ARHGEF33: variants seen among roughly 807,000 people sequenced by gnomAD.
The protein encoded by ARHGEF33 is Rho guanine nucleotide exchange factor 33, also known as DH and coiled-coil domain-containing protein ENSP00000381780.
A neutral mutation model predicts 101.9 loss-of-function variants in ARHGEF33; 72 were observed. The ratio of observed to expected loss-of-function variants is 0.71; its 90% CI spans 0.58 to 0.86. The LOEUF (loss-of-function observed/expected upper bound fraction) is 0.86, where lower values mean the gene tolerates loss of function less well. ARHGEF33 is among the 40% of genes least tolerant of loss of function. The pLI is 0.00. For missense variants in ARHGEF33, 1,169 were observed against 1,111.3 expected (o/e 1.05, Z -0.74); for synonymous variants, 499 against 442.5 (o/e 1.13, Z -1.60).
At chr2:38,963,940 A>G (rs1305404140) in intron 16 of ARHGEF33, among the ~76,000 whole-genome samples, 4 of 152,178 alleles carry the variant, frequency 2.6e-5, no homozygotes, top group African/African-American at 9.7e-5. Flanking sequence ...AGTGCGTTAC[A>G]ATTTATTGTG....
At position 38,917,102 on chromosome 2, in the gene ARHGEF33, C is replaced by CTTTTTTTTTTTTTTTTTTTTTT. The variant is rs371044814; in HGVS notation, c.-85-2254_-85-2253insTTTTTTTTTTTTTTTTTTTTTT. Among the ~76,000 whole-genome samples the CTTTTTTTTTTTTTTTTTTTTTT allele has an allele frequency of 3.1e-5, 4 of 129,326 alleles. 2 individuals carry two copies. 84.8% of individuals were successfully genotyped at this position (129,326 alleles called of 152,430 possible). ...GGTGTGAGCCACTGCAACCGGTCTT[C>CTTTTTTTTTTTTTTTTTTTTTT]TTTTTTTGAGACGGAGTCTCACTAC... is the stretch of plus-strand genomic sequence containing the variant. On this transcript the variant is annotated intron_variant, in intron 2 of 17. Transcript: ENST00000409978.
At chr2:38,923,004 G>T (rs1393545251) in intron 4 of ARHGEF33, among the ~76,000 whole-genome samples, 2 of 152,162 alleles carry the variant, frequency 1.3e-5, no homozygotes, top group Non-Finnish European at 2.9e-5. Context: ...GTTCTCATCT[G>T]ACCTGTGTAT....
rs1314060601 is a variant in ARHGEF33 at position 38,958,049 on chromosome 2, G to A, written c.1386G>A (p.Lys462=). The part of the protein sequence containing the change: ...RKKLKKSSMA[K]LYKGLASQCA... ...ATTCTGTTAGGTCATCCATGGCGAA[G>A]CTGTACAAAGGGCTGGCTTCCCAGT... Residue 462 remains lysine (K), a synonymous_variant, in exon 15 of 18, where the codon AAG becomes AAA. Coordinates refer to ENST00000409978, the MANE Select transcript of ARHGEF33 (RefSeq NM_001145451.5). 1.9e-6 allele frequency: 3 copies of A among 1,552,274 alleles called. No individual in the cohort carries two copies. The Admixed American group carries it at 5.9e-5, about 30-fold the overall frequency.
In ARHGEF33 at chr2:38,959,929, G is replaced by A. The variant is rs974456318; in HGVS notation, c.1624G>A (p.Glu542Lys). Residue 542 changes from glutamate (E) to lysine (K), a missense_variant, in exon 16 of 18, where the codon GAG becomes AAG. Coordinates refer to ENST00000409978, the MANE Select transcript of ARHGEF33 (RefSeq NM_001145451.5). ...CGGGAAGCCCAGTGACTGGGAGCTGGAGGGCAGGAAGCACGAGCGGCCCGA... is the reference window on the plus strand; with the variant it reads ...CGGGAAGCCCAGTGACTGGGAGCTGAAGGGCAGGAAGCACGAGCGGCCCGA... Reference protein sequence around the residue: ...QPGKPSDWELEGRKHERPESL... With the variant: ...QPGKPSDWELKGRKHERPESL... 1 of 1,551,776 alleles carries A rather than the reference G, an allele frequency of 6.4e-7. No individual in the cohort carries two copies. The highest frequency in any genetic ancestry group is 8.7e-7 in the Non-Finnish European group (1 of 1,146,952).
chr2:38,928,220 A>G (rs936455924), intron 4 of ARHGEF33, among the ~76,000 whole-genome samples: 2 of 152,168 alleles, frequency 1.3e-5, no homozygotes, highest in African/African-American at 4.8e-5. Context: ...CATGATGTCA[A>G]AGTTGACCTG....
Position 38,959,907 on chromosome 2 carries a change from G to A in ARHGEF33, c.1602G>A (p.Gly534=). The A allele has an allele frequency of 6.4e-7, 1 of 1,551,920 alleles. No individual in the cohort carries two copies. Among genetic ancestry groups the A allele is most frequent in the South Asian group, 1.2e-5 (1 of 84,030 alleles). Residue 534 remains glycine, a synonymous_variant, in exon 16 of 18, where the codon GGG becomes GGA. Transcript: ENST00000409978. The stretch of plus-strand genomic sequence containing the variant: ...GCCTGATGGAGAGCATGCAGCCCGG[G>A]AAGCCCAGTGACTGGGAGCTGGAGG... The part of the protein sequence containing the change: ...QQSLMESMQP[G]KPSDWELEGR...
chr2:38,974,868 G>T lies in ARHGEF33; in HGVS notation c.*1025G>T, dbSNP rs1668242187. The T allele has an allele frequency of 6.6e-6, 1 of 152,170 alleles. No individual in the cohort carries two copies. The highest frequency in any genetic ancestry group is 1.5e-5 in the Non-Finnish European group (1 of 68,036). 9.4% of individuals were successfully genotyped at this position (152,170 alleles called of 1,614,324 possible). On this transcript the variant is annotated 3_prime_UTR_variant, in exon 18 of 18. Transcript: ENST00000409978. Reference sequence around the variant, plus strand: ...GAAACCAAGCTCTTAAAGCTTAGAGGAATCAGATTGCAACGAGGCCTGCCT... The same window carrying T: ...GAAACCAAGCTCTTAAAGCTTAGAGTAATCAGATTGCAACGAGGCCTGCCT...
At chr2:38,965,940 C>T in intron 16 of ARHGEF33, 66 bp from the exon 17 acceptor site, 1 of 1,526,642 alleles carries the variant, frequency 6.6e-7, no homozygotes, top group Non-Finnish European at 8.8e-7. Context: ...CAAAATTGTC[C>T]CATAGTCAGG....
rs371309714 is a variant in ARHGEF33 at position 38,960,564 on chromosome 2, C to G, written c.2259C>G (p.Ala753=). Residue 753 remains alanine, a synonymous_variant, in exon 16 of 18, where the codon GCC becomes GCG. Coordinates refer to ENST00000409978, the MANE Select transcript of ARHGEF33 (RefSeq NM_001145451.5). ...AAQAHGPAAA[A]VAARGASRTF... is the part of the protein sequence containing the mutation. ...AGGCGCACGGCCCGGCCGCCGCCGC[C>G]GTCGCCGCCCGCGGCGCATCCAGGA... is the stretch of plus-strand genomic sequence containing the variant. The G allele has an allele frequency of 4.7e-6, 6 of 1,273,178 alleles. No individual in the cohort carries two copies. Among genetic ancestry groups the G allele is most frequent in the Non-Finnish European group, 6.0e-6 (6 of 992,972 alleles). 78.9% of individuals were successfully genotyped at this position (1,273,178 alleles called of 1,614,324 possible). A position where few individuals can be genotyped will look rare whatever the true frequency, so the allele number is the denominator to read the frequency against.
intron 2 of ARHGEF33, among the ~76,000 whole-genome samples, chr2:38,908,753 G>T (rs1666448260): frequency 6.6e-6 from 1 of 152,136 alleles, no homozygotes; most frequent in Non-Finnish European, 1.5e-5. Context: ...AGTTAGTTTT[G>T]GTGTGGGACC....
intron 2 of ARHGEF33, among the ~76,000 whole-genome samples, chr2:38,902,770 G>A (rs1354924842): frequency 2.0e-5 from 3 of 152,064 alleles, no homozygotes; most frequent in South Asian, 2.1e-4. Context: ...CCTCATGAGG[G>A]GGCACTGATA....
In ARHGEF33 at chr2:38,921,366, C is replaced by G; in HGVS notation, c.26-8C>G. On this transcript the variant is annotated splice_region_variant and splice_polypyrimidine_tract_variant and intron_variant, in intron 3 of 17. Transcript: ENST00000409978. ...GTGTTGATTAAACAAAGCTCTTTCTCCCTGCAGGAGAGAATGAACATATGC... is the reference window on the plus strand; with the variant it reads ...GTGTTGATTAAACAAAGCTCTTTCTGCCTGCAGGAGAGAATGAACATATGC... The G allele has an allele frequency of 6.6e-7, 1 of 1,523,790 alleles. No homozygotes were observed. Among genetic ancestry groups the G allele is most frequent in the South Asian group, 1.2e-5 (1 of 83,510 alleles). The allele number at this position is 1,523,790 out of a possible 1,614,324, so 94.4% of individuals were successfully genotyped here.
intron 10 of ARHGEF33, 25 bp from the exon 11 acceptor site, chr2:38,950,964 G>C: frequency 6.5e-7 from 1 of 1,548,694 alleles, no homozygotes; most frequent in Non-Finnish European, 8.7e-7. Context: ...TTGTTTGTGT[G>C]ATTCCGTCTC....
At chr2:38,891,351 T>C (rs764889287) in intron 1 of ARHGEF33, among the ~76,000 whole-genome samples, 3 of 152,144 alleles carry the variant, frequency 2.0e-5, no homozygotes, top group Non-Finnish European at 2.9e-5. Context: ...AAAGATCAAC[T>C]GATCTTCCTC....
In ARHGEF33 at chr2:38,953,617, A is replaced by G. The variant is rs1267886379; in HGVS notation, c.1137+372A>G. On this transcript the variant is annotated intron_variant, in intron 12 of 17. Coordinates refer to ENST00000409978, the MANE Select transcript of ARHGEF33 (RefSeq NM_001145451.5). ...AACTTCAGTCATCCTTTGTCAGTTT[A>G]TAAGATAAGGTGGCTCTAGTCATGT... is the stretch of plus-strand genomic sequence containing the variant. Among the ~76,000 whole-genome samples, 5 of 152,228 alleles carry G rather than the reference A, an allele frequency of 3.3e-5. No homozygotes were observed. The East Asian group carries it at 9.6e-4, about 29-fold the overall frequency.
Position 38,960,095 on chromosome 2 carries a change from C to T in ARHGEF33, c.1790C>T (p.Ala597Val), listed in dbSNP as rs779452417. ...GGCAACGTGGAGCGCTCCCTGCGCG[C>T]CCCGGCCGAGCTCCTGCCCGATGCC... ...PLGNVERSLR[A>V]PAELLPDARG... Residue 597 changes from alanine (A) to valine (V), a missense_variant, in exon 16 of 18, where the codon GCC (alanine) becomes GTC (valine). Ala to Val is a moderately conservative substitution (Grantham distance 64, BLOSUM62 0). Transcript: ENST00000409978. The T allele has an allele frequency of 5.8e-6, 9 of 1,542,008 alleles. No individual in the cohort carries two copies. Among genetic ancestry groups the T allele is most frequent in the Non-Finnish European group, 7.9e-6 (9 of 1,144,846 alleles).
chr2:38,973,898 A>G lies in ARHGEF33; in HGVS notation c.*55A>G. On this transcript the variant is annotated 3_prime_UTR_variant, in exon 18 of 18. Coordinates refer to ENST00000409978, the MANE Select transcript of ARHGEF33 (RefSeq NM_001145451.5). ...TAAGATGAGGATAAAAAGCTTGTAT[A>G]TATCTGTGTAGGAATATATATATAT... 5 of 1,396,332 alleles carry G rather than the reference A, an allele frequency of 3.6e-6. No individual in the cohort carries two copies. The highest frequency in any genetic ancestry group is 2.6e-5 in the Admixed American group (1 of 38,814). 86.5% of individuals were successfully genotyped at this position (1,396,332 alleles called of 1,614,324 possible). A position where few individuals can be genotyped will look rare whatever the true frequency, so the allele number is the denominator to read the frequency against.
intron 4 of ARHGEF33, among the ~76,000 whole-genome samples, chr2:38,928,400 A>T (rs576151119): frequency 2.4e-4 from 36 of 150,160 alleles, no homozygotes; most frequent in East Asian, 1.3e-3. Flanking sequence ...TATTTTTTTT[A>T]AAAAAAACCT....
At position 38,956,907 on chromosome 2, in the gene ARHGEF33, G is replaced by A. The variant is rs1268867750; in HGVS notation, c.1230G>A (p.Leu410=). The A allele has an allele frequency of 2.6e-6, 4 of 1,552,220 alleles. No individual in the cohort carries two copies. Among genetic ancestry groups the A allele is most frequent in the African/African-American group, 2.7e-5 (2 of 73,038 alleles). The change falls in exon 14 of 18, where the codon CTG becomes CTA. Residue 410 remains leucine, a synonymous_variant. Coordinates refer to ENST00000409978, the MANE Select transcript of ARHGEF33 (RefSeq NM_001145451.5). ...TTTTCCCCTCCATCCAGAACGTCCT[G>A]AAGTTCACAGAGCAGGAGCACCCTG... is the stretch of plus-strand genomic sequence containing the variant. ...PEYLIHLQNV[L]KFTEQEHPDY...
Sources: allele counts gnomAD v4.1 joint callset (sites outside exome capture counted in the v4.1 genomes callset), GRCh38; gene constraint gnomAD v4.1.1; transcripts MANE v1.5; gene names NCBI Gene and HGNC (gene_info 2026-07-23, HGNC 2026-07-21).